Variants in MYRF observed in about 807,000 individuals in gnomAD.
The protein encoded by MYRF is myelin regulatory factor.
MYRF carries 16 observed loss-of-function variants against 126.3 expected under a neutral mutation model. That is an observed-to-expected ratio of 0.13 (90% CI 0.09 to 0.19). The LOEUF is 0.19. MYRF is among the 10% of genes least tolerant of loss of function. MYRF has a pLI of 1.00. For missense variants in MYRF, 1,104 were observed against 1,547.0 expected, an observed-to-expected ratio of 0.71 and a Z score of 4.80; for synonymous variants, 608 against 635.3, an observed-to-expected ratio of 0.96 and a Z score of 0.65.
chr11:61,755,551 G>A, intron 1 of MYRF: 19 of 1,370,496 alleles, frequency 1.4e-5, no homozygotes, highest in Non-Finnish European at 2.0e-5. Context: ...GGTGCAGGCT[G>A]GACCACTGAG....
chr11:61,756,031 G>T (rs1015086158), intron 1 of MYRF, among the ~76,000 whole-genome samples: 2 of 152,212 alleles, frequency 1.3e-5, no homozygotes, highest in African/African-American at 4.8e-5. Flanking sequence ...AAGTAAGTGG[G>T]TTGGACCAGA....
Position 61,773,960 on chromosome 11 carries a change from C to A in MYRF, c.1116-7C>A. ...CCTCAGGGGAGTGCCCTCACCCGCC[C>A]CCCCAGGCCCATGCTCACCTACCGC... is the stretch of plus-strand genomic sequence containing the variant. On this transcript the variant is annotated splice_region_variant and splice_polypyrimidine_tract_variant and intron_variant, in intron 7 of 26. Coordinates refer to ENST00000278836, the MANE Select transcript of MYRF (RefSeq NM_001127392.3). 6.2e-7 allele frequency: 1 copy of A among 1,600,668 alleles called. No individual in the cohort carries two copies. Among genetic ancestry groups the A allele is most frequent in the Non-Finnish European group, 8.5e-7 (1 of 1,172,942 alleles).
chr11:61,781,746 T>C lies in MYRF; in HGVS notation c.2938T>C (p.Phe980Leu), dbSNP rs1288720977. The C allele has an allele frequency of 6.2e-7, 1 of 1,612,192 alleles. No homozygotes were observed. Among genetic ancestry groups the C allele is most frequent in the South Asian group, 1.1e-5 (1 of 91,004 alleles). ...AGCCAAGAACAGTCCCAGCCTTGGT[T>C]TCCATGGCCGGGCCCGCCGAGGGGC... ...GKAKNSPSLG[F>L]HGRARRGALQ... Residue 980 changes from phenylalanine (F) to leucine (L), a missense_variant, in exon 22 of 27, where the codon TTC becomes CTC. By Grantham distance (22) the Phe-to-Leu change is conservative. Transcript: ENST00000278836.
chr11:61,771,856 G>A lies in MYRF; in HGVS notation c.1019G>A (p.Ser340Asn). The change falls in exon 7 of 27, where the codon AGT becomes AAT. Residue 340 changes from serine to asparagine, a missense_variant. Physicochemically the swap from Ser to Asn is conservative, Grantham distance 46. Around this residue, in one of 10 missense-constraint regions of MYRF, gnomAD observed 87 missense variants for 129.2 expected, o/e 0.67. Transcript: ENST00000278836. ...CTCCTGCAGGACAGTGACAGCCTCA[G>A]TGGCTCCTACCTGGACCCCAACTAC... ...PGLLQDSDSL[S>N]GSYLDPNYQS... 6.2e-7 allele frequency: 1 copy of A among 1,614,178 alleles called. No homozygotes were observed. Among genetic ancestry groups the A allele is most frequent in the Non-Finnish European group, 8.5e-7 (1 of 1,180,014 alleles).
intron 25 of MYRF, chr11:61,785,006 A>G (rs2066657630): frequency 6.5e-6 from 1 of 152,790 alleles, no homozygotes. Flanking sequence ...TTACTCAGAA[A>G]ATATTGATTG....
intron 1 of MYRF, among the ~76,000 whole-genome samples, chr11:61,755,068 C>T (rs966687392): frequency 6.6e-6 from 1 of 152,190 alleles, no homozygotes; most frequent in African/African-American, 2.4e-5. Flanking sequence ...TCCTGGTCCC[C>T]ACTTGGCCTT....
At position 61,771,731 on chromosome 11, in the gene MYRF, G is replaced by A. The variant is rs752770747; in HGVS notation, c.972G>A (p.Pro324=). The change falls in exon 6 of 27, where the codon CCG becomes CCA. Residue 324 remains proline, a synonymous_variant. Transcript: ENST00000278836. ...GTGTCCAGACACCGCCTTGGCACCC[G>A]CCAGGTGCCCCCTCCCCAGGTACAT... The part of the protein sequence containing the change: ...IARVQTPPWH[P]PGAPSPGLLQ... 1.1e-5 allele frequency: 18 copies of A among 1,611,936 alleles called. No individual in the cohort carries two copies. The highest frequency in any genetic ancestry group is 1.7e-4 in the Middle Eastern group (1 of 6,050).
Position 61,778,557 on chromosome 11 carries a change from C to T in MYRF, c.2013+68C>T. ...GGAGCCAGCTGGGGAACACTCATCA[C>T]CTCCATAGATACTGGGGGCACTGCA... On this transcript the variant is annotated intron_variant, in intron 14 of 26. Transcript: ENST00000278836. The surrounding 1 kb of genome is among the most constrained non-coding windows in gnomAD (Gnocchi z 4.6). 8.9e-7 allele frequency: 1 copy of T among 1,123,968 alleles called. No homozygotes were observed. The highest frequency in any genetic ancestry group is 1.2e-5 in the South Asian group (1 of 80,776). The allele number at this position is 1,123,968 out of a possible 1,614,324, so 69.6% of individuals were successfully genotyped here. A position where few individuals can be genotyped will look rare whatever the true frequency, so the allele number is the denominator to read the frequency against.
chr11:61,786,116 C>T lies in MYRF; in HGVS notation c.3429C>T (p.His1143=). Residue 1143 remains histidine (H), a synonymous_variant, in exon 27 of 27, where the codon CAC becomes CAT. Transcript: ENST00000278836. The surrounding 1 kb of genome is among the most constrained non-coding windows in gnomAD (Gnocchi z 4.5). Reference sequence around the variant, plus strand: ...TCGCCCAGCCAGCCACAGACTACCACTTCCACTTCTACCGCCTGTGTGACT... The same window carrying T: ...TCGCCCAGCCAGCCACAGACTACCATTTCCACTTCTACCGCCTGTGTGACT... The part of the protein sequence containing the change: ...EALAQPATDY[H]FHFYRLCD The T allele has an allele frequency of 6.2e-7, 1 of 1,614,216 alleles. No individual in the cohort carries two copies. Among genetic ancestry groups the T allele is most frequent in the South Asian group, 1.1e-5 (1 of 91,086 alleles).
At chr11:61,782,783 A>G (rs533301353) in intron 22 of MYRF, 10 of 152,342 alleles carry the variant, frequency 6.6e-5, no homozygotes, top group African/African-American at 2.4e-4. Flanking sequence ...TCTCGTCTGT[A>G]TCTGATACCT....
Position 61,781,283 on chromosome 11 carries a change from T to C in MYRF, c.2718T>C (p.Pro906=). The C allele has an allele frequency of 6.2e-7, 1 of 1,614,140 alleles. No homozygotes were observed. The highest frequency in any genetic ancestry group is 8.5e-7 in the Non-Finnish European group (1 of 1,180,028). The change falls in exon 21 of 27, where the codon CCT becomes CCC. Residue 906 remains proline (P), a synonymous_variant. Coordinates refer to ENST00000278836, the MANE Select transcript of MYRF (RefSeq NM_001127392.3). The stretch of plus-strand genomic sequence containing the variant: ...CTAGTCTTGGCCCCAGCTTTAACCC[T>C]GGCCATGTTCTCAGCCCAAGTCCCA... ...TGPSLGPSFN[P]GHVLSPSPSP... is the part of the protein sequence containing the mutation.
rs933698740 is a variant in MYRF, at chr11:61,777,492, G to C, written c.1791+28G>C. The stretch of plus-strand genomic sequence containing the variant: ...GGGGACAGGGCTGTGGGGGCCGGGC[G>C]GGTCCAGACGCTGGAGCGGGCCGCG... On this transcript the variant is annotated intron_variant, in intron 12 of 26. Coordinates refer to ENST00000278836, the MANE Select transcript of MYRF (RefSeq NM_001127392.3). The surrounding 1 kb of genome is among the most constrained non-coding windows in gnomAD (Gnocchi z 8.8). 7.0e-6 allele frequency: 11 copies of C among 1,564,230 alleles called. No homozygotes were observed. The highest frequency in any genetic ancestry group is 9.5e-6 in the Non-Finnish European group (11 of 1,152,572).
At chr11:61,764,038 C>G (rs569826278) in intron 1 of MYRF, among the ~76,000 whole-genome samples, 1 of 152,294 alleles carries the variant, frequency 6.6e-6, no homozygotes, top group African/African-American at 2.4e-5. Flanking sequence ...ACGCCCAGCT[C>G]GAGAAGCTGC....
At chr11:61,780,364 A>G (rs1315521074) in intron 18 of MYRF, 74 bp downstream of exon 18, 2 of 1,314,396 alleles carry the variant, frequency 1.5e-6, no homozygotes, top group Non-Finnish European at 2.1e-6. Flanking sequence ...TCAGAGAGCC[A>G]TGAGACTGTC....
In MYRF at chr11:61,787,712, G is replaced by A. The variant is rs901091571; in HGVS notation, c.*1569G>A. On this transcript the variant is annotated 3_prime_UTR_variant, in exon 27 of 27. Coordinates refer to ENST00000278836, the MANE Select transcript of MYRF (RefSeq NM_001127392.3). ...GGTTCCGTTGACATAGGAATTTTAC[G>A]ATTCCCAAACCATGCAGGGGCTGAG... The A allele has an allele frequency of 6.5e-6, 1 of 152,690 alleles. No individual in the cohort carries two copies. The highest frequency in any genetic ancestry group is 1.5e-5 in the Non-Finnish European group (1 of 68,038). The allele number at this position is 152,690 out of a possible 1,614,324, so 9.5% of individuals were successfully genotyped here. A position where few individuals can be genotyped will look rare whatever the true frequency, so the allele number is the denominator to read the frequency against.
intron 1 of MYRF, among the ~76,000 whole-genome samples, chr11:61,765,371 T>C (rs957028603): frequency 1.3e-5 from 2 of 152,128 alleles, no homozygotes; most frequent in Non-Finnish European, 2.9e-5. Context: ...CCCAGATCCA[T>C]GCCCTGGGCC....
At chr11:61,756,452 G>C (rs1172043325) in intron 1 of MYRF, among the ~76,000 whole-genome samples, 1 of 152,066 alleles carries the variant, frequency 6.6e-6, no homozygotes, top group East Asian at 1.9e-4. Flanking sequence ...GATGGGGGTG[G>C]CACTGTGGCC....
rs1555066665 is a variant in MYRF, at chr11:61,783,714, G to GT, written c.3119+115dup. 15 of 1,359,898 alleles carry GT rather than the reference G, an allele frequency of 1.1e-5. No homozygotes were observed. The highest frequency in any genetic ancestry group is 6.2e-5 in the South Asian group (5 of 80,130). 84.2% of individuals were successfully genotyped at this position (1,359,898 alleles called of 1,614,324 possible). On this transcript the variant is annotated intron_variant, in intron 23 of 26. Transcript: ENST00000278836. The surrounding 1 kb of genome is among the most constrained non-coding windows in gnomAD (Gnocchi z 4.6). Reference sequence around the variant, plus strand: ...GGAGGAGCCTCCCCCATAAGGAAGGGTAGCCCCTTTCCAGGCTACCCTTGG... The same window carrying GT: ...GGAGGAGCCTCCCCCATAAGGAAGGGTTAGCCCCTTTCCAGGCTACCCTTGG...
chr11:61,771,537 G>A lies in MYRF; in HGVS notation c.778G>A (p.Glu260Lys). 1.2e-6 allele frequency: 2 copies of A among 1,613,906 alleles called. No individual in the cohort carries two copies. The highest frequency in any genetic ancestry group is 8.5e-7 in the Non-Finnish European group (1 of 1,179,926). The change falls in exon 6 of 27, where the codon GAA becomes AAA. Residue 260 changes from glutamate to lysine, a missense_variant. Glu to Lys is a moderately conservative substitution (Grantham distance 56). This residue lies in a region of MYRF where 368 missense variants were observed against 403.9 expected (regional missense o/e 0.91). Transcript: ENST00000278836. ...CCCCTCCAAGAAGAGGAAGCACTCT[G>A]AATCCCCCCCCAGCACCCTCAATGC... ...THPSKKRKHS[E>K]SPPSTLNAQM... is the part of the protein sequence containing the mutation.
Sources: gnomAD v4.1 joint callset for allele counts (sites outside exome capture counted in the v4.1 genomes callset) on GRCh38, gnomAD v4.1.1 for gene constraint, gnomAD v4.1.1 regional missense constraint, Gnocchi (gnomAD v3.1) non-coding constraint, MANE v1.5 for transcripts, NCBI Gene and HGNC (gene_info 2026-07-23, HGNC 2026-07-21) for gene names.